Variants in KYNU observed in about 807,000 individuals in gnomAD.
KYNU encodes L-kynurenine hydrolase.
KYNU carries 54 observed loss-of-function variants against 59.2 expected under a neutral mutation model. The ratio of observed to expected loss-of-function variants is 0.91; its 90% CI spans 0.73 to 1.14. The LOEUF (loss-of-function observed/expected upper bound fraction) is 1.14, where lower values mean the gene tolerates loss of function less well. Ranked by LOEUF, KYNU falls within the 50% of genes most tolerant of loss-of-function variation. The pLI is 0.00. For missense variants in KYNU, 567 were observed against 554.4 expected (o/e 1.02, Z -0.23); for synonymous variants, 177 against 192.0 (o/e 0.92, Z 0.65).
rs766643186 is a variant in KYNU, at chr2:142,957,673, A to G, written c.540A>G (p.Gly180=). 1.9e-6 allele frequency: 3 copies of G among 1,607,192 alleles called. No homozygotes were observed. The South Asian group carries it at 3.3e-5, about 18-fold the overall frequency. ...TTGAGTCACAACTACAACTTCACGG[A>G]CTTAACATTGAAGAAAGTATGCGGA... ...YAIESQLQLH[G]LNIEESMRMI... Residue 180 remains glycine (G), a synonymous_variant, in exon 7 of 14, where the codon GGA becomes GGG. Transcript: ENST00000264170.
At chr2:143,025,255 A>G (rs572221639) in intron 10 of KYNU, among the ~76,000 whole-genome samples, 2 of 151,802 alleles carry the variant, frequency 1.3e-5, no homozygotes, top group Admixed American at 6.6e-5. Context: ...CCTCGTGCAT[A>G]TTTTTCATCT....
At chr2:142,954,018 A>G (rs1233305173) in intron 4 of KYNU, 2 of 152,148 alleles carry the variant, frequency 1.3e-5, no homozygotes, top group African/African-American at 4.8e-5. Context: ...TTTCTATTAC[A>G]CAGGTCTAAT....
At chr2:142,897,920 G>A (rs1395830585) in intron 2 of KYNU, among the ~76,000 whole-genome samples, 1 of 151,608 alleles carries the variant, frequency 6.6e-6, no homozygotes, top group Non-Finnish European at 1.5e-5. Flanking sequence ...TTATTTATTT[G>A]AGACAGGATG....
At chr2:143,015,807 G>T (rs573005405) in intron 10 of KYNU, among the ~76,000 whole-genome samples, 2 of 152,240 alleles carry the variant, frequency 1.3e-5, no homozygotes, top group South Asian at 2.1e-4. Flanking sequence ...AGTGACGTCA[G>T]TTTGGAAGCT....
chr2:142,964,391 C>A (rs1040201767), intron 8 of KYNU, among the ~76,000 whole-genome samples: 1 of 152,072 alleles, frequency 6.6e-6, no homozygotes, highest in East Asian at 1.9e-4. Context: ...AAAAGTTGTT[C>A]TTCTACCAGC....
chr2:142,993,246 C>T (rs1685453295), intron 10 of KYNU, among the ~76,000 whole-genome samples: 1 of 151,892 alleles, frequency 6.6e-6, no homozygotes, highest in South Asian at 2.1e-4. Context: ...AAGGAATATG[C>T]CAAGTGATCT....
intron 8 of KYNU, among the ~76,000 whole-genome samples, chr2:142,961,263 C>T (rs1684338952): frequency 7.3e-6 from 1 of 137,670 alleles, no homozygotes; most frequent in Non-Finnish European, 1.6e-5. Context: ...TCAGGCATCT[C>T]TATTTAAACT....
intron 4 of KYNU, among the ~76,000 whole-genome samples, chr2:142,930,017 G>C (rs1283053486): frequency 6.6e-6 from 1 of 152,198 alleles, no homozygotes; most frequent in Non-Finnish European, 1.5e-5. Flanking sequence ...AGAAGGCTTT[G>C]TAGGGCCACT....
intron 10 of KYNU, among the ~76,000 whole-genome samples, chr2:143,003,127 A>G (rs1573889175): frequency 6.6e-6 from 1 of 152,348 alleles, no homozygotes; most frequent in East Asian, 1.9e-4. Flanking sequence ...ACATCATGAT[A>G]AACATTAGTA....
intron 8 of KYNU, among the ~76,000 whole-genome samples, chr2:142,979,702 C>T (rs920303453): frequency 3.9e-5 from 6 of 151,988 alleles, no homozygotes; most frequent in Admixed American, 3.3e-4. Flanking sequence ...AATACCAGCA[C>T]GCTGGGAGGC....
chr2:142,934,047 G>A (rs1453934342), intron 4 of KYNU, among the ~76,000 whole-genome samples: 4 of 152,216 alleles, frequency 2.6e-5, no homozygotes, highest in Non-Finnish European at 4.4e-5. Flanking sequence ...GTACAGCTTG[G>A]TTAATGAGCC....
chr2:143,003,844 G>A (rs556060750), intron 10 of KYNU, among the ~76,000 whole-genome samples: 2 of 152,194 alleles, frequency 1.3e-5, no homozygotes, highest in East Asian at 3.9e-4. Context: ...TCCAATTCAG[G>A]TGTCTAAAAC....
At chr2:142,906,076 GTC>G (rs748036689) in intron 2 of KYNU, among the ~76,000 whole-genome samples, 4 of 141,684 alleles carry the variant, frequency 2.8e-5, no homozygotes, top group East Asian at 2.1e-4. Flanking sequence ...TCTCCTCTCT[GTC>G]TCTCTCTCTC....
intron 10 of KYNU, among the ~76,000 whole-genome samples, chr2:142,995,956 ACTC>A (rs781316700): frequency 6.6e-6 from 1 of 151,778 alleles, no homozygotes; most frequent in Non-Finnish European, 1.5e-5. Context: ...TGCCTGAACT[ACTC>A]TTATTTCTGA....
chr2:142,946,651 A>G lies in KYNU; in HGVS notation c.374-8159A>G, dbSNP rs141736658. Among the ~76,000 whole-genome samples, 1,207 of 152,326 alleles carry G rather than the reference A, an allele frequency of 7.9e-3. 13 individuals carry two copies. Among genetic ancestry groups the G allele is most frequent in the African/African-American group, 0.028 (1,163 of 41,560 alleles). On this transcript the variant is annotated intron_variant, in intron 4 of 13. Transcript: ENST00000264170. The stretch of plus-strand genomic sequence containing the variant: ...CCAGGCTTTGTCGTTTCACTTATAA[A>G]GCACAGGAAGAGTAGATTAAGCATA...
chr2:143,001,278 A>T (rs1573887420), intron 10 of KYNU, among the ~76,000 whole-genome samples: 2 of 151,958 alleles, frequency 1.3e-5, no homozygotes, highest in Admixed American at 6.6e-5. Context: ...CCATCCTCAC[A>T]CCCAATAGAC....
At chr2:142,891,891 T>C (rs1351881577) in intron 2 of KYNU, among the ~76,000 whole-genome samples, 1 of 151,644 alleles carries the variant, frequency 6.6e-6, no homozygotes, top group Non-Finnish European at 1.5e-5. Flanking sequence ...ATTCCTTAGT[T>C]AAAAGTTTAA....
intron 4 of KYNU, among the ~76,000 whole-genome samples, chr2:142,930,382 G>A (rs1192960237): frequency 2.0e-5 from 3 of 152,174 alleles, no homozygotes; most frequent in Non-Finnish European, 2.9e-5. Flanking sequence ...CCCATTTCAG[G>A]AGATGACTAG....
At chr2:142,956,875 G>T (rs1684180561) in intron 6 of KYNU, among the ~76,000 whole-genome samples, 1 of 152,094 alleles carries the variant, frequency 6.6e-6, no homozygotes, top group Non-Finnish European at 1.5e-5. Flanking sequence ...GGGCACAGTG[G>T]CTCACTCCTG....
Sources: allele counts gnomAD v4.1 joint callset (sites outside exome capture counted in the v4.1 genomes callset), GRCh38; gene constraint gnomAD v4.1.1; transcripts MANE v1.5; gene names NCBI Gene and HGNC (gene_info 2026-07-23, HGNC 2026-07-21).